The following TSNARE1 variants were observed in gnomAD, a reference collection of about 807,000 sequenced individuals.
TSNARE1 encodes t-SNARE domain containing 1.
A neutral mutation model predicts 62.0 loss-of-function variants in TSNARE1; 49 were observed. The ratio of observed to expected loss-of-function variants is 0.79; its 90% CI spans 0.63 to 1.00. TSNARE1 has a LOEUF of 1.00. Among genes scored for constraint, TSNARE1 ranks in the 50% least tolerant of loss-of-function variants. The pLI, the probability that TSNARE1 is intolerant of heterozygous loss-of-function variation, is 0.00. For synonymous variants in TSNARE1, 328 were observed against 294.4 expected, an observed-to-expected ratio of 1.11 and a Z score of -1.17; for missense variants, 755 against 700.1, an observed-to-expected ratio of 1.08 and a Z score of -0.88.
At chr8:142,282,662 G>C (rs79854456) in intron 11 of TSNARE1, among the ~76,000 whole-genome samples, 2 of 128,062 alleles carry the variant, frequency 1.6e-5, no homozygotes, top group Admixed American at 7.9e-5. Context: ...GTCAATGAGC[G>C]GAGGTGGGGC....
intron 1 of TSNARE1, among the ~76,000 whole-genome samples, chr8:142,382,757 C>T (rs1044394041): frequency 1.3e-5 from 2 of 152,232 alleles, no homozygotes; most frequent in African/African-American, 2.4e-5. Context: ...AGAAGGGGCC[C>T]GGTAGGCCCT....
At chr8:142,214,085 T>C (rs1815709656) in intron 13 of TSNARE1, among the ~76,000 whole-genome samples, 1 of 152,166 alleles carries the variant, frequency 6.6e-6, no homozygotes, top group Non-Finnish European at 1.5e-5. Flanking sequence ...GCAAGAGGCA[T>C]GGCCAGGGTC....
chr8:142,329,440 C>T (rs1001071875), intron 6 of TSNARE1, among the ~76,000 whole-genome samples: 2 of 152,230 alleles, frequency 1.3e-5, no homozygotes, highest in Admixed American at 6.5e-5. Context: ...AGGGTCCGGA[C>T]GTGCCCATCC....
chr8:142,254,281 G>A (rs1028420111), intron 12 of TSNARE1, among the ~76,000 whole-genome samples: 4 of 152,176 alleles, frequency 2.6e-5, no homozygotes, highest in African/African-American at 9.7e-5. Context: ...CCAGTGCCCC[G>A]TGGGGCCATG....
At chr8:142,278,832 G>A (rs749461884) in intron 11 of TSNARE1, 8 of 981,214 alleles carry the variant, frequency 8.2e-6, no homozygotes, top group Non-Finnish European at 8.5e-6. Flanking sequence ...GCAGAAGGAG[G>A]GGGAGGCCAC....
At chr8:142,260,810 C>A (rs1317856510) in intron 12 of TSNARE1, among the ~76,000 whole-genome samples, 1 of 151,108 alleles carries the variant, frequency 6.6e-6, no homozygotes, top group East Asian at 2.0e-4. Flanking sequence ...AAAGCCCTGC[C>A]CCAGAGCTAA....
chr8:142,233,561 G>C (rs1262154594), intron 12 of TSNARE1, among the ~76,000 whole-genome samples: 1 of 152,220 alleles, frequency 6.6e-6, no homozygotes, highest in Non-Finnish European at 1.5e-5. Flanking sequence ...GGAGGGGCCG[G>C]TGTGCTTGTG....
intron 11 of TSNARE1, chr8:142,275,426 C>T (rs1820305142): frequency 1.5e-5 from 15 of 985,318 alleles, no homozygotes; most frequent in Non-Finnish European, 1.8e-5. Context: ...AAGCCGGGCT[C>T]GGTGGCTGCA....
At chr8:142,235,469 C>G (rs1401326924) in intron 12 of TSNARE1, among the ~76,000 whole-genome samples, 1 of 146,072 alleles carries the variant, frequency 6.8e-6, no homozygotes, top group African/African-American at 2.5e-5. Context: ...GGAACCGCTT[C>G]CCATGCAAAT....
intron 12 of TSNARE1, among the ~76,000 whole-genome samples, chr8:142,264,555 G>A (rs1032359713): frequency 6.6e-6 from 1 of 152,176 alleles, no homozygotes; most frequent in Non-Finnish European, 1.5e-5. Flanking sequence ...ATTTCCTTCT[G>A]TAATTCTACC....
chr8:142,232,037 G>T (rs879807499), intron 12 of TSNARE1, among the ~76,000 whole-genome samples: 1 of 152,262 alleles, frequency 6.6e-6, no homozygotes, highest in Non-Finnish European at 1.5e-5. Context: ...AGAAACAGGA[G>T]CTGAGGTCAG....
rs79110776 is a variant in TSNARE1 at position 142,388,113 on chromosome 8, G to T, written c.-40+14991C>A. 7.9e-4 allele frequency among the ~76,000 whole-genome samples: 120 copies of T among 152,106 alleles called. 1 individual carries two copies. In the East Asian group the frequency reaches 0.022, roughly 28 times the overall value. On this transcript the variant is annotated intron_variant, in intron 1 of 13. Coordinates refer to ENST00000524325, the MANE Select transcript of TSNARE1 (RefSeq NM_145003.5). ...AGAATCTTTCATTATTAGCAACTTC[G>T]TTTGTATAATTCACTATATTAATAT...
intron 13 of TSNARE1, among the ~76,000 whole-genome samples, chr8:142,228,979 G>C (rs1379927182): frequency 6.6e-6 from 1 of 152,090 alleles, no homozygotes; most frequent in Non-Finnish European, 1.5e-5. Flanking sequence ...ATGGAAGGTA[G>C]ATGGATGGAC....
chr8:142,228,426 T>A (rs1217771551), intron 13 of TSNARE1, among the ~76,000 whole-genome samples: 1 of 152,212 alleles, frequency 6.6e-6, no homozygotes, highest in East Asian at 1.9e-4. Flanking sequence ...GCCAGCCATG[T>A]GTCTCAGTAC....
chr8:142,311,290 G>GTTTTTTTTTTTTTGTTTTTT (rs1827550778), intron 9 of TSNARE1, among the ~76,000 whole-genome samples: 2 of 57,350 alleles, frequency 3.5e-5, no homozygotes, highest in Non-Finnish European at 5.8e-5. Context: ...AGCCTCTCTA[G>GTTTTTTTTTTTTTGTTTTTT]TTTTTTTTTT....
chr8:142,345,960 A>G (rs1336226642), intron 2 of TSNARE1, 68 bp from the exon 3 acceptor site: 10 of 1,548,380 alleles, frequency 6.5e-6, no homozygotes, highest in Admixed American at 5.5e-5. Flanking sequence ...CCAGGCCCCC[A>G]TGCACGGACA....
chr8:142,360,431 G>A (rs745628525), intron 1 of TSNARE1, among the ~76,000 whole-genome samples: 19 of 152,288 alleles, frequency 1.2e-4, no homozygotes, highest in Middle Eastern at 6.8e-3. Flanking sequence ...GGGCCAGGAC[G>A]GAGGGGTGGG....
chr8:142,222,999 T>TCAGCCAC (rs1301913412), intron 13 of TSNARE1, among the ~76,000 whole-genome samples: 24 of 99,130 alleles, frequency 2.4e-4, no homozygotes, highest in African/African-American at 9.5e-4. Flanking sequence ...CACTCTCTCA[T>TCAGCCAC]TCACTCATTT....
intron 4 of TSNARE1, among the ~76,000 whole-genome samples, chr8:142,338,345 G>C (rs1832063056): frequency 6.6e-6 from 1 of 152,226 alleles, no homozygotes; most frequent in Non-Finnish European, 1.5e-5. Context: ...CACTGAACCA[G>C]GTCTCAAGGC....
Sources: gnomAD v4.1 joint callset for allele counts (sites outside exome capture counted in the v4.1 genomes callset) on GRCh38, gnomAD v4.1.1 for gene constraint, MANE v1.5 for transcripts, NCBI Gene and HGNC (gene_info 2026-07-23, HGNC 2026-07-21) for gene names.